Variants in PTPRN2 observed in about 807,000 individuals in gnomAD.
PTPRN2 encodes protein tyrosine phosphatase receptor type N2, also known as receptor-type tyrosine-protein phosphatase N2.
In PTPRN2, 74 loss-of-function variants were observed where a neutral mutation model predicts 118.8. That is an observed-to-expected ratio of 0.62 (90% CI 0.52 to 0.76). The LOEUF (loss-of-function observed/expected upper bound fraction) is 0.76. Among genes scored for constraint, PTPRN2 ranks in the 30% least tolerant of loss-of-function variants. The pLI, the probability that PTPRN2 is intolerant of heterozygous loss-of-function variation, is 0.00. For synonymous variants in PTPRN2, 641 were observed against 608.0 expected (o/e 1.05, Z -0.80); for missense variants, 1,481 against 1,394.4 (o/e 1.06, Z -0.99).
At position 158,003,238 on chromosome 7, in the gene PTPRN2, C is replaced by T. The variant is rs1040647358; in HGVS notation, c.1723+78060G>A. 1.6e-4 allele frequency among the ~76,000 whole-genome samples: 24 copies of T among 151,722 alleles called. No individual in the cohort carries two copies. Among genetic ancestry groups the T allele is most frequent in the African/African-American group, 5.6e-4 (23 of 41,294 alleles). ...GACCATCTTGGCTAACACGGTGAAA[C>T]CCCGTTTCTACTAAAAATACAAAAA... On this transcript the variant is annotated intron_variant, in intron 11 of 22. Transcript: ENST00000389418. The surrounding 1 kb of genome is among the most constrained non-coding windows in gnomAD (Gnocchi z 5.0).
rs1383019556 is a variant in PTPRN2, at chr7:158,022,856, CT to C, written c.1723+58441del. 6.6e-6 allele frequency among the ~76,000 whole-genome samples: 1 copy of C among 152,240 alleles called. No homozygotes were observed. Among genetic ancestry groups the C allele is most frequent in the African/African-American group, 2.4e-5 (1 of 41,464 alleles). On this transcript the variant is annotated intron_variant, in intron 11 of 22. Transcript: ENST00000389418. The surrounding 1 kb of genome is among the most constrained non-coding windows in gnomAD (Gnocchi z 4.6). ...TAGGAAGAAAAAGAAGACAATATCC[CT>C]GGACCTTAGAAACCTCAATGATCAA...
chr7:158,218,348 C>T (rs939186371), intron 3 of PTPRN2, among the ~76,000 whole-genome samples: 2 of 152,112 alleles, frequency 1.3e-5, no homozygotes, highest in African/African-American at 4.8e-5. Context: ...AACTAAGCAT[C>T]ATAAGCAAAG....
chr7:157,656,127 G>A (rs946197092), intron 14 of PTPRN2, among the ~76,000 whole-genome samples: 1 of 84,072 alleles, frequency 1.2e-5, no homozygotes, highest in East Asian at 4.4e-4. Context: ...GGGGCTGCAC[G>A]TTCCAGGCAG....
At chr7:157,654,255 A>T (rs2906932) in intron 14 of PTPRN2, among the ~76,000 whole-genome samples, 27,607 of 50,702 alleles carry the variant, frequency 0.54, 7,328 homozygotes, top group Middle Eastern at 0.64. Flanking sequence ...GATGCCCACC[A>T]CTCCCCACAC....
intron 2 of PTPRN2, among the ~76,000 whole-genome samples, chr7:158,463,074 C>T (rs971173922): frequency 1.3e-5 from 2 of 152,186 alleles, no homozygotes; most frequent in Non-Finnish European, 2.9e-5. Context: ...CCATAAACCC[C>T]AAAGCCCCAG....
chr7:158,239,210 C>A (rs1388612700), intron 3 of PTPRN2, among the ~76,000 whole-genome samples: 1 of 152,162 alleles, frequency 6.6e-6, no homozygotes, highest in East Asian at 1.9e-4. Flanking sequence ...GGTGCAGAAA[C>A]CTCAGGAGGG....
At chr7:157,772,306 G>A (rs114050765) in intron 12 of PTPRN2, among the ~76,000 whole-genome samples, 1 of 67,234 alleles carries the variant, frequency 1.5e-5, no homozygotes, top group East Asian at 4.7e-4. Context: ...CAGACATACA[G>A]ACACACATAG....
chr7:158,205,107 A>G (rs1196625166), intron 4 of PTPRN2, 64 bp downstream of exon 4: 1 of 1,295,230 alleles, frequency 7.7e-7, no homozygotes, highest in Non-Finnish European at 1.1e-6. Context: ...CAAACAAATA[A>G]TAAGTGTAAT....
chr7:157,932,231 A>G (rs1277961588), intron 11 of PTPRN2, among the ~76,000 whole-genome samples: 1 of 152,258 alleles, frequency 6.6e-6, no homozygotes, highest in Non-Finnish European at 1.5e-5. Context: ...TATGAAAACC[A>G]AAAATTCACA....
intron 17 of PTPRN2, among the ~76,000 whole-genome samples, chr7:157,589,042 C>T (rs1417827206): frequency 1.3e-5 from 2 of 152,224 alleles, no homozygotes; most frequent in Non-Finnish European, 2.9e-5. Context: ...ACAACCGTCA[C>T]CGTCACCACG....
chr7:158,520,094 T>C (rs1024183446), intron 1 of PTPRN2, among the ~76,000 whole-genome samples: 8 of 152,256 alleles, frequency 5.3e-5, no homozygotes, highest in Admixed American at 4.6e-4. Context: ...TTGTCATTTC[T>C]TTTAACAAAA....
At chr7:158,282,178 C>CTT (rs5888743) in intron 3 of PTPRN2, among the ~76,000 whole-genome samples, 9,010 of 141,986 alleles carry the variant, frequency 0.063, 377 homozygotes, top group Middle Eastern at 0.13. Flanking sequence ...GTGGCTCTGC[C>CTT]TTTTTTTTTT....
intron 12 of PTPRN2, among the ~76,000 whole-genome samples, chr7:157,722,850 T>G (rs1470783678): frequency 6.6e-6 from 1 of 152,084 alleles, no homozygotes; most frequent in Non-Finnish European, 1.5e-5. Flanking sequence ...TCCCACGGGT[T>G]CGATGTGGGG....
intron 3 of PTPRN2, among the ~76,000 whole-genome samples, chr7:158,236,475 A>G (rs577374372): frequency 6.6e-6 from 1 of 152,192 alleles, no homozygotes; most frequent in East Asian, 1.9e-4. Flanking sequence ...TCAGAACCTC[A>G]AGCAAAGCTG....
chr7:157,857,100 C>T (rs375104752), intron 12 of PTPRN2, among the ~76,000 whole-genome samples: 6 of 134,410 alleles, frequency 4.5e-5, no homozygotes, highest in East Asian at 2.6e-4. Context: ...GCATGGCCAT[C>T]GGCATTGCTG....
chr7:158,341,767 G>C (rs1475217805), intron 2 of PTPRN2, among the ~76,000 whole-genome samples: 5 of 136,188 alleles, frequency 3.7e-5, no homozygotes, highest in Admixed American at 1.4e-4. Flanking sequence ...CACCATAAGA[G>C]CTGACACCTG....
chr7:158,021,501 T>C (rs1806868087), intron 11 of PTPRN2, among the ~76,000 whole-genome samples: 1 of 152,128 alleles, frequency 6.6e-6, no homozygotes. Flanking sequence ...GAGGATATCA[T>C]TTTAAAAAGA....
At chr7:157,544,889 TGTAG>T (rs1257735152) in intron 22 of PTPRN2, among the ~76,000 whole-genome samples, 1 of 150,998 alleles carries the variant, frequency 6.6e-6, no homozygotes, top group African/African-American at 2.4e-5. Flanking sequence ...TGTGTGGGTG[TGTAG>T]GTGTGTGTGG....
intron 2 of PTPRN2, among the ~76,000 whole-genome samples, chr7:158,461,277 C>T (rs1264479310): frequency 3.3e-5 from 5 of 152,130 alleles, no homozygotes; most frequent in South Asian, 4.1e-4. Flanking sequence ...GGGTGGATCA[C>T]GAGGTCAAGA....
Sources: allele counts gnomAD v4.1 joint callset (sites outside exome capture counted in the v4.1 genomes callset), GRCh38; gene constraint gnomAD v4.1.1; non-coding constraint Gnocchi (gnomAD v3.1); transcripts MANE v1.5; gene names NCBI Gene and HGNC (gene_info 2026-07-23, HGNC 2026-07-21).